ACSM3: variants seen among roughly 807,000 people sequenced by gnomAD.
ACSM3 encodes the protein acyl-coenzyme A synthetase ACSM3, mitochondrial.
In ACSM3, 61 loss-of-function variants were observed where a neutral mutation model predicts 74.1. The ratio of observed to expected loss-of-function variants is 0.82; its 90% confidence interval spans 0.67 to 1.02. The LOEUF is 1.02. Among genes scored for constraint, ACSM3 ranks in the 50% least tolerant of loss-of-function variants. The pLI, the probability that ACSM3 is intolerant of heterozygous loss-of-function variation, is 0.00. For missense variants in ACSM3, 660 were observed against 697.0 expected, an observed-to-expected ratio of 0.95 and a Z score of 0.60; for synonymous variants, 213 against 241.5, an observed-to-expected ratio of 0.88 and a Z score of 1.09.
At chr16:20,682,350 C>A (rs752115330) in intron 1 of ACSM3, 2 of 1,614,026 alleles carry the variant, frequency 1.2e-6, no homozygotes, top group South Asian at 2.2e-5. Context: ...GCTATGGAGT[C>A]CACCTCTGAG....
chr16:20,738,939 T>C (rs145461032), intron 1 of ACSM3: 1 of 1,614,114 alleles, frequency 6.2e-7, no homozygotes, highest in East Asian at 2.2e-5. Context: ...TTTGCTCCAC[T>C]TTCCACTGAC....
chr16:20,780,877 C>A lies in ACSM3; in HGVS notation c.782+20C>A. On this transcript the variant is annotated intron_variant, in intron 5 of 13. Transcript: ENST00000289416. Reference sequence around the variant, plus strand: ...TGGAAGGTATACTTTCACAAAAGTGCAGCTTGAAGTGTCAAAACTGCAAAG... The same window carrying A: ...TGGAAGGTATACTTTCACAAAAGTGAAGCTTGAAGTGTCAAAACTGCAAAG... The A allele has an allele frequency of 6.2e-7, 1 of 1,613,900 alleles. No individual in the cohort carries two copies.
chr16:20,793,046 A>G (rs917754073), intron 12 of ACSM3, among the ~76,000 whole-genome samples: 4 of 152,236 alleles, frequency 2.6e-5, no homozygotes, highest in African/African-American at 2.4e-5. Flanking sequence ...ACTGATGTCA[A>G]TACAAATCCA....
At chr16:20,728,734 G>GT (rs2079815696) in intron 1 of ACSM3, among the ~76,000 whole-genome samples, 1 of 151,458 alleles carries the variant, frequency 6.6e-6, no homozygotes, top group Non-Finnish European at 1.5e-5. Context: ...CAGTTGGGGG[G>GT]TGCTAGAGGT....
At chr16:20,691,289 C>A in intron 1 of ACSM3, 1 of 1,033,764 alleles carries the variant, frequency 9.7e-7, no homozygotes, top group Non-Finnish European at 1.4e-6. Flanking sequence ...AACTTTCTCC[C>A]TAAATTGGGT....
At chr16:20,792,169 T>C in intron 11 of ACSM3, 40 bp downstream of exon 11, 1 of 1,614,118 alleles carries the variant, frequency 6.2e-7, no homozygotes, top group Non-Finnish European at 8.5e-7. Context: ...CTGTGTTAAC[T>C]GATCATCAGT....
At chr16:20,765,718 T>C (rs1189378952) in intron 1 of ACSM3, among the ~76,000 whole-genome samples, 3 of 152,212 alleles carry the variant, frequency 2.0e-5, no homozygotes, top group African/African-American at 7.2e-5. Flanking sequence ...ACACGGGTAA[T>C]GAATAAATGC....
intron 9 of ACSM3, among the ~76,000 whole-genome samples, chr16:20,788,091 TTTTTA>T (rs1285682396): frequency 6.6e-6 from 1 of 152,152 alleles, no homozygotes; most frequent in Non-Finnish European, 1.5e-5. Context: ...CACATTCCTC[TTTTTA>T]TTTATTTATT....
At chr16:20,767,711 C>A (rs2080143055) in intron 1 of ACSM3, among the ~76,000 whole-genome samples, 1 of 152,168 alleles carries the variant, frequency 6.6e-6, no homozygotes, top group South Asian at 2.1e-4. Context: ...TTTGTTAATT[C>A]TTCCCAGGAA....
chr16:20,695,738 G>A (rs1283633982), intron 1 of ACSM3, among the ~76,000 whole-genome samples: 1 of 151,826 alleles, frequency 6.6e-6, no homozygotes, highest in African/African-American at 2.4e-5. Flanking sequence ...AAGTGTTGAG[G>A]ACTGAAAATC....
chr16:20,786,317 T>C (rs1249660471), intron 9 of ACSM3, 159 bp downstream of exon 9: 1 of 1,360,582 alleles, frequency 7.3e-7, no homozygotes, highest in Non-Finnish European at 9.7e-7. Context: ...ATTAGAAATG[T>C]TAGCTTCTTG....
intron 1 of ACSM3, among the ~76,000 whole-genome samples, chr16:20,747,682 G>T (rs2079963518): frequency 6.6e-6 from 1 of 152,192 alleles, no homozygotes; most frequent in Admixed American, 6.5e-5. Flanking sequence ...ATGCTCCAAA[G>T]AATGAATCAC....
chr16:20,742,655 AAAT>A (rs1436253596), intron 1 of ACSM3, among the ~76,000 whole-genome samples: 1 of 150,912 alleles, frequency 6.6e-6, no homozygotes, highest in Non-Finnish European at 1.5e-5. Context: ...AAAAAAAAAA[AAAT>A]GAGCCAGGGT....
chr16:20,724,879 AGAG>A (rs1211784122), intron 1 of ACSM3, among the ~76,000 whole-genome samples: 1 of 152,250 alleles, frequency 6.6e-6, no homozygotes, highest in African/African-American at 2.4e-5. Context: ...AGGAAATAAA[AGAG>A]GATACAAACA....
At chr16:20,714,846 A>G (rs1444748315) in intron 1 of ACSM3, among the ~76,000 whole-genome samples, 2 of 152,228 alleles carry the variant, frequency 1.3e-5, no homozygotes, top group Non-Finnish European at 2.9e-5. Context: ...AGTCATTAGT[A>G]TATACTTAGC....
At chr16:20,795,127 C>T (rs1175638594) in intron 12 of ACSM3, among the ~76,000 whole-genome samples, 1 of 152,194 alleles carries the variant, frequency 6.6e-6, no homozygotes, top group African/African-American at 2.4e-5. Context: ...TAGACACACA[C>T]ACACACAAGG....
intron 1 of ACSM3, among the ~76,000 whole-genome samples, chr16:20,702,512 C>T (rs1169827892): frequency 1.3e-5 from 2 of 152,288 alleles, no homozygotes; most frequent in Middle Eastern, 3.4e-3. Context: ...TTCTGACTGA[C>T]GTGAGATGGT....
chr16:20,790,828 A>G lies in ACSM3; in HGVS notation c.1326+140A>G. 1 of 1,613,994 alleles carries G rather than the reference A, an allele frequency of 6.2e-7. No homozygotes were observed. The highest frequency in any genetic ancestry group is 1.3e-5 in the African/African-American group (1 of 75,056). ...TGGTTGTCCTGAATAGTAATCCAAAAGACAAGAAATTGAAGAAATACCCAA... is the reference window on the plus strand; with the variant it reads ...TGGTTGTCCTGAATAGTAATCCAAAGGACAAGAAATTGAAGAAATACCCAA... On this transcript the variant is annotated intron_variant, in intron 10 of 13. Coordinates refer to ENST00000289416, the MANE Select transcript of ACSM3 (RefSeq NM_005622.4). The surrounding 1 kb of genome is among the most constrained non-coding windows in gnomAD (Gnocchi z 4.0).
intron 2 of ACSM3, among the ~76,000 whole-genome samples, chr16:20,771,606 T>C (rs2080195259): frequency 6.6e-6 from 1 of 152,166 alleles, no homozygotes; most frequent in South Asian, 2.1e-4. Flanking sequence ...ACTGTGTATA[T>C]ATACCACATT....
Sources: gnomAD v4.1 joint callset for allele counts (sites outside exome capture counted in the v4.1 genomes callset) on GRCh38, gnomAD v4.1.1 for gene constraint, Gnocchi (gnomAD v3.1) non-coding constraint, MANE v1.5 for transcripts, NCBI Gene and HGNC (gene_info 2026-07-23, HGNC 2026-07-21) for gene names.